NLN: variants seen among roughly 807,000 people sequenced by gnomAD.
NLN encodes neurolysin, mitochondrial.
In NLN, 64 loss-of-function variants were observed where a neutral mutation model predicts 79.9. The ratio of observed to expected loss-of-function variants is 0.80; its 90% CI spans 0.65 to 0.99. The LOEUF is 0.99. Among genes scored for constraint, NLN ranks in the 50% least tolerant of loss-of-function variants. The probability of loss-of-function intolerance (pLI) is 0.00; values close to 1 mark genes in which losing one functional copy is unlikely to be tolerated. For missense variants in NLN, 835 were observed against 858.7 expected (o/e 0.97, Z 0.34); for synonymous variants, 267 against 296.6 (o/e 0.90, Z 1.02).
At chr5:65,733,222 T>C (rs1758650371) in intron 1 of NLN, 3 of 1,518,032 alleles carry the variant, frequency 2.0e-6, no homozygotes, top group Non-Finnish European at 2.7e-6. Context: ...ATTCATATCC[T>C]AATGTGGACC....
chr5:65,790,669 G>T (rs928170217), intron 8 of NLN, among the ~76,000 whole-genome samples: 1 of 152,210 alleles, frequency 6.6e-6, no homozygotes, highest in African/African-American at 2.4e-5. Context: ...TAAGCTTTGG[G>T]TGGAGACACA....
In NLN at chr5:65,797,313, C is replaced by A. The variant is rs184396209; in HGVS notation, c.1527+4658C>A. ...AAACACATAAGAATTACACTAAAGC[C>A]TTCTTAATTAAACGTGAAAGGGATG... On this transcript the variant is annotated intron_variant, in intron 9 of 12. Coordinates refer to ENST00000380985, the MANE Select transcript of NLN (RefSeq NM_020726.5). Among the ~76,000 whole-genome samples, 21 of 152,232 alleles carry A rather than the reference C, an allele frequency of 1.4e-4. 1 individual carries two copies. In the East Asian group the frequency reaches 3.9e-3, roughly 28 times the overall value.
intron 1 of NLN, among the ~76,000 whole-genome samples, chr5:65,729,437 C>G (rs796502803): frequency 7.0e-6 from 1 of 142,354 alleles, no homozygotes; most frequent in African/African-American, 2.6e-5. Flanking sequence ...TGCAGTGGCA[C>G]GATCTTGGAT....
chr5:65,731,149 T>G (rs1465107612), intron 1 of NLN, among the ~76,000 whole-genome samples: 1 of 152,220 alleles, frequency 6.6e-6, no homozygotes, highest in Non-Finnish European at 1.5e-5. Context: ...TGGCCCTCTT[T>G]CCTGTGACGT....
At chr5:65,722,494 C>G (rs2548785) in intron 1 of NLN, 80 bp downstream of exon 1, 302,892 of 1,301,742 alleles carry the variant, frequency 0.23, 36,696 homozygotes, top group African/African-American at 0.27. Context: ...CCCGGACCCA[C>G]CCCTTCCCGA....
chr5:65,730,235 G>T (rs1579904754), intron 1 of NLN, among the ~76,000 whole-genome samples: 1 of 152,166 alleles, frequency 6.6e-6, no homozygotes, highest in Admixed American at 6.5e-5. Flanking sequence ...AAAGTAAAAT[G>T]GGAAAGGGGA....
chr5:65,812,540 A>G (rs1760577167), intron 12 of NLN, 149 bp downstream of exon 12: 1 of 601,570 alleles, frequency 1.7e-6, no homozygotes, highest in South Asian at 2.1e-5. Context: ...TCAAATCATC[A>G]TACATCATTA....
intron 12 of NLN, 46 bp downstream of exon 12, chr5:65,812,437 T>C (rs758382223): frequency 7.5e-7 from 1 of 1,329,914 alleles, no homozygotes; most frequent in South Asian, 1.2e-5. Context: ...AGTTGCTCCC[T>C]CCCCTTTAAC....
chr5:65,722,664 A>T, intron 1 of NLN: 1 of 510,910 alleles, frequency 2.0e-6, no homozygotes, highest in Non-Finnish European at 3.5e-6. Context: ...AGCCGCAGTC[A>T]GCGAGGCTGG....
At chr5:65,746,877 A>G in intron 1 of NLN, among the ~76,000 whole-genome samples, 1 of 151,910 alleles carries the variant, frequency 6.6e-6, no homozygotes, top group Non-Finnish European at 1.5e-5. Flanking sequence ...GGTGGTGGGC[A>G]CCTGTAATCC....
At chr5:65,739,274 ATG>A (rs1310497009) in intron 1 of NLN, among the ~76,000 whole-genome samples, 1 of 151,814 alleles carries the variant, frequency 6.6e-6, no homozygotes, top group Non-Finnish European at 1.5e-5. Context: ...ATCATGCAGT[ATG>A]TGTCTTTCTG....
At chr5:65,760,027 C>T (rs924167782) in intron 2 of NLN, among the ~76,000 whole-genome samples, 1 of 152,132 alleles carries the variant, frequency 6.6e-6, no homozygotes, top group African/African-American at 2.4e-5. Flanking sequence ...AGGCTTCATA[C>T]AAGAATATAA....
At chr5:65,820,458 G>A (rs544304520) in intron 12 of NLN, among the ~76,000 whole-genome samples, 1 of 152,060 alleles carries the variant, frequency 6.6e-6, no homozygotes, top group Non-Finnish European at 1.5e-5. Context: ...CATTGTCTGC[G>A]TTCTTCCTGT....
intron 9 of NLN, among the ~76,000 whole-genome samples, chr5:65,808,614 C>T (rs1197108033): frequency 2.0e-5 from 3 of 152,166 alleles, no homozygotes; most frequent in Non-Finnish European, 4.4e-5. Context: ...GCTTTTCTGA[C>T]GTCTGACTCA....
At position 65,823,110 on chromosome 5, in the gene NLN, A is replaced by G; in HGVS notation, c.*195A>G. On this transcript the variant is annotated 3_prime_UTR_variant, in exon 13 of 13. Transcript: ENST00000380985. ...TGTGACCTAAGAAAAGACCCACTAGAAAGTAATTGTACTATAAAATTTCAT... is the reference window on the plus strand; with the variant it reads ...TGTGACCTAAGAAAAGACCCACTAGGAAGTAATTGTACTATAAAATTTCAT... 2.1e-6 allele frequency: 1 copy of G among 481,188 alleles called. No homozygotes were observed. Among genetic ancestry groups the G allele is most frequent in the Non-Finnish European group, 3.7e-6 (1 of 272,778 alleles). 29.8% of individuals were successfully genotyped at this position (481,188 alleles called of 1,614,324 possible).
rs34838640 is a variant in NLN, at chr5:65,758,741, C to T, written c.216C>T (p.Tyr72=). ...EELIVQTKQV[Y]DAVGMLGIEE... ...TCATTGTGCAGACCAAACAGGTGTACGATGCTGTTGGAATGCTCGGTATTG... is the reference window on the plus strand; with the variant it reads ...TCATTGTGCAGACCAAACAGGTGTATGATGCTGTTGGAATGCTCGGTATTG... The change falls in exon 2 of 13, where the codon TAC becomes TAT. Residue 72 remains tyrosine (Y), a synonymous_variant. Transcript: ENST00000380985. 1,594 of 1,613,196 alleles carry T rather than the reference C, an allele frequency of 9.9e-4. 11 individuals carry two copies. In the African/African-American group the frequency reaches 0.018, roughly 18 times the overall value.
rs574103773 is a variant in NLN, at chr5:65,792,670, T to C, written c.1527+15T>C. The C allele has an allele frequency of 1.8e-4, 283 of 1,584,194 alleles. No homozygotes were observed. Among genetic ancestry groups the C allele is most frequent in the Non-Finnish European group, 2.2e-4 (254 of 1,154,290 alleles). On this transcript the variant is annotated intron_variant, in intron 9 of 12. Coordinates refer to ENST00000380985, the MANE Select transcript of NLN (RefSeq NM_020726.5). ...TTTGTGCACAGGTGAGTTTTTTTTTTCCCCCAGTAAACCTGCCAATTAGTT... is the reference window on the plus strand; with the variant it reads ...TTTGTGCACAGGTGAGTTTTTTTTTCCCCCCAGTAAACCTGCCAATTAGTT...
rs1199105419 is a variant in NLN at position 65,827,405 on chromosome 5, A to G, written c.*4490A>G. The G allele has an allele frequency of 1.3e-5, 2 of 152,238 alleles. No individual in the cohort carries two copies. Among genetic ancestry groups the G allele is most frequent in the East Asian group, 3.8e-4 (2 of 5,202 alleles). The allele number at this position is 152,238 out of a possible 1,614,324, so 9.4% of individuals were successfully genotyped here. A position where few individuals can be genotyped will look rare whatever the true frequency, so the allele number is the denominator to read the frequency against. On this transcript the variant is annotated 3_prime_UTR_variant, in exon 13 of 13. Transcript: ENST00000380985. ...TCATAGACCCCAGAGGCTCACCTCA[A>G]TTGTACTCCTATGATAAAATGTCTC...
At chr5:65,809,906 G>A in intron 10 of NLN, 131 bp from the exon 11 acceptor site, 1 of 1,119,662 alleles carries the variant, frequency 8.9e-7, no homozygotes, top group Non-Finnish European at 1.3e-6. Context: ...TAAATCTTAA[G>A]TAGAATGAGA....
Sources: allele counts gnomAD v4.1 joint callset (sites outside exome capture counted in the v4.1 genomes callset), GRCh38; gene constraint gnomAD v4.1.1; transcripts MANE v1.5; gene names NCBI Gene and HGNC (gene_info 2026-07-23, HGNC 2026-07-21).